Variants in CDH10 observed in about 807,000 individuals in gnomAD.
CDH10 encodes the protein cadherin 10.
A neutral mutation model predicts 73.1 loss-of-function variants in CDH10; 30 were observed. That is an observed-to-expected ratio of 0.41 (90% CI 0.31 to 0.56). The LOEUF is 0.56. Among genes scored for constraint, CDH10 ranks in the 20% least tolerant of loss-of-function variants. The pLI is 0.27. For synonymous variants in CDH10, 345 were observed against 348.2 expected (o/e 0.99, Z 0.10); for missense variants, 815 against 973.7 (o/e 0.84, Z 2.17).
chr5:24,572,935 G>GAAAAAAAAAAAAAAAAA (rs55946839), intron 2 of CDH10, among the ~76,000 whole-genome samples: 2 of 72,114 alleles, frequency 2.8e-5, no homozygotes, highest in African/African-American at 5.5e-5. Context: ...CTTAGAAAAA[G>GAAAAAAAAAAAAAAAAA]AAAAAAAAAA....
chr5:24,494,615 C>G (rs1025980362), intron 9 of CDH10, among the ~76,000 whole-genome samples: 15 of 151,752 alleles, frequency 9.9e-5, no homozygotes, highest in Non-Finnish European at 2.2e-4. Flanking sequence ...AATAAATTTA[C>G]AAAGTATAAT....
chr5:24,535,915 T>G, intron 3 of CDH10, 93 bp from the exon 4 acceptor site: 1 of 861,742 alleles, frequency 1.2e-6, no homozygotes, highest in Non-Finnish European at 1.7e-6. Context: ...ATTTCTGGCT[T>G]TAATCATGAC....
intron 2 of CDH10, among the ~76,000 whole-genome samples, chr5:24,555,937 A>C (rs911593761): frequency 6.6e-6 from 1 of 152,136 alleles, no homozygotes; most frequent in South Asian, 2.1e-4. Context: ...AATAAGCTTG[A>C]TGCTAGGTAG....
At chr5:24,623,673 CA>C (rs529009780) in intron 1 of CDH10, among the ~76,000 whole-genome samples, 179 of 152,256 alleles carry the variant, frequency 1.2e-3, no homozygotes, top group South Asian at 3.3e-3. Flanking sequence ...ATTGAAGCAA[CA>C]CAGAGGTCTG....
chr5:24,520,069 C>T (rs1386279777), intron 5 of CDH10, among the ~76,000 whole-genome samples: 1 of 152,162 alleles, frequency 6.6e-6, no homozygotes, highest in Non-Finnish European at 1.5e-5. Flanking sequence ...TACTGGATTA[C>T]AGCTTTAACT....
chr5:24,516,686 T>A (rs1743119719), intron 5 of CDH10, among the ~76,000 whole-genome samples: 1 of 152,026 alleles, frequency 6.6e-6, no homozygotes, highest in Non-Finnish European at 1.5e-5. Context: ...AGCCATTGGA[T>A]GATTTTTTTA....
intron 1 of CDH10, among the ~76,000 whole-genome samples, chr5:24,607,056 T>A (rs1353574392): frequency 6.6e-6 from 1 of 152,184 alleles, no homozygotes; most frequent in Non-Finnish European, 1.5e-5. Context: ...ATCAGAACTT[T>A]ATTTCCTCAG....
In CDH10 at chr5:24,487,494, G is replaced by A; in HGVS notation, c.*169C>T. ...ATAAAATGTCATATATATTCCATGA[G>A]ACATCCTACAGGAAAGAATTAATGT... is the stretch of plus-strand genomic sequence containing the variant. On this transcript the variant is annotated 3_prime_UTR_variant, in exon 12 of 12. Coordinates refer to ENST00000264463, the MANE Select transcript of CDH10 (RefSeq NM_006727.5). 1 of 626,144 alleles carries A rather than the reference G, an allele frequency of 1.6e-6. No individual in the cohort carries two copies. The highest frequency in any genetic ancestry group is 2.7e-5 in the East Asian group (1 of 37,166). 38.8% of individuals were successfully genotyped at this position (626,144 alleles called of 1,614,324 possible).
intron 5 of CDH10, among the ~76,000 whole-genome samples, chr5:24,521,107 A>C (rs1743312560): frequency 6.6e-6 from 1 of 152,200 alleles, no homozygotes; most frequent in South Asian, 2.1e-4. Flanking sequence ...AGGAAAACAA[A>C]AAACAGAAAA....
chr5:24,607,943 T>G (rs928588282), intron 1 of CDH10, among the ~76,000 whole-genome samples: 29 of 152,218 alleles, frequency 1.9e-4, no homozygotes, highest in African/African-American at 6.8e-4. Flanking sequence ...CTCTATTTTT[T>G]GTTTAATTTG....
intron 2 of CDH10, among the ~76,000 whole-genome samples, chr5:24,573,801 TTTAC>T (rs1321595872): frequency 1.3e-5 from 2 of 148,412 alleles, no homozygotes; most frequent in African/African-American, 2.5e-5. Flanking sequence ...TATTCATATA[TTTAC>T]TTAATTTTTA....
At chr5:24,555,213 A>C (rs1241469403) in intron 2 of CDH10, among the ~76,000 whole-genome samples, 1 of 152,096 alleles carries the variant, frequency 6.6e-6, no homozygotes, top group Non-Finnish European at 1.5e-5. Context: ...TTTTTGTGCC[A>C]CTGGATTTCC....
intron 1 of CDH10, among the ~76,000 whole-genome samples, chr5:24,638,623 GA>G (rs1747945515): frequency 6.6e-6 from 1 of 151,756 alleles, no homozygotes; most frequent in Non-Finnish European, 1.5e-5. Context: ...AATGCAGGCA[GA>G]ATAAATCTGC....
intron 2 of CDH10, among the ~76,000 whole-genome samples, chr5:24,556,736 T>TTAA (rs1280290913): frequency 2.0e-5 from 3 of 151,724 alleles, no homozygotes; most frequent in Non-Finnish European, 4.4e-5. Context: ...AATTAAAATA[T>TTAA]TTACACAATT....
rs1419594144 is a variant in CDH10, at chr5:24,537,462, G to T, written c.444C>A (p.Ile148=). Residue 148 remains isoleucine, a synonymous_variant, in exon 3 of 12, where the codon ATC becomes ATA. Coordinates refer to ENST00000264463, the MANE Select transcript of CDH10 (RefSeq NM_006727.5). The part of the protein sequence containing the change: ...RPVEPESEFV[I]KIHDINDNEP... ...CATTGTCATTGATATCATGAATTTT[G>T]ATCACAAACTCTGACTCTGGCTCTA... 2 of 1,612,310 alleles carry T rather than the reference G, an allele frequency of 1.2e-6. No homozygotes were observed. Among genetic ancestry groups the T allele is most frequent in the Admixed American group, 3.3e-5 (2 of 59,932 alleles).
intron 1 of CDH10, among the ~76,000 whole-genome samples, chr5:24,605,551 C>T (rs145221393): frequency 2.6e-5 from 4 of 152,290 alleles, no homozygotes; most frequent in South Asian, 4.1e-4. Context: ...CGAAGTGGGT[C>T]GTTGGCACCA....
At position 24,488,147 on chromosome 5, in the gene CDH10, ACT is replaced by A; in HGVS notation, c.1881_1882del (p.Val628SerfsTer30). ...TCTTTTCAGAGCTGCAAACAGTACT[ACT>A]ATAACTTGAAAAAAGACAAGAAGAT... On this transcript the variant is annotated frameshift_variant, in exon 12 of 12. Coordinates refer to ENST00000264463, the MANE Select transcript of CDH10 (RefSeq NM_006727.5). LOFTEE classifies it high-confidence loss of function. The A allele has an allele frequency of 1.9e-6, 3 of 1,596,452 alleles. No homozygotes were observed. Among genetic ancestry groups the A allele is most frequent in the Admixed American group, 3.6e-5 (2 of 55,738 alleles).
In CDH10 at chr5:24,593,462, A is replaced by T. The variant is rs1490017285; in HGVS notation, c.29T>A (p.Phe10Tyr). MTIHQFLLLFLFWVCLPHFC... is the reference protein window; with the variant it reads MTIHQFLLLYLFWVCLPHFC... ...ATGTGGCAGGCATACCCAGAATAGA[A>T]ACAGTAGCAAAAATTGATGTATTGT... The change falls in exon 2 of 12, where the codon TTT (phenylalanine) becomes TAT (tyrosine). Residue 10 changes from phenylalanine (F) to tyrosine (Y), a missense_variant. Phe to Tyr is a conservative substitution (Grantham distance 22). Coordinates refer to ENST00000264463, the MANE Select transcript of CDH10 (RefSeq NM_006727.5). 1 of 1,605,454 alleles carries T rather than the reference A, an allele frequency of 6.2e-7. No individual in the cohort carries two copies. Among genetic ancestry groups the T allele is most frequent in the Non-Finnish European group, 8.5e-7 (1 of 1,172,390 alleles).
intron 2 of CDH10, among the ~76,000 whole-genome samples, chr5:24,573,862 T>TTA (rs1745492645): frequency 6.8e-6 from 1 of 147,958 alleles, no homozygotes; most frequent in Non-Finnish European, 1.5e-5. Flanking sequence ...ATATTTATAT[T>TTA]TACATATATT....
Sources: allele counts gnomAD v4.1 joint callset (sites outside exome capture counted in the v4.1 genomes callset), GRCh38; gene constraint gnomAD v4.1.1; transcripts MANE v1.5; gene names NCBI Gene and HGNC (gene_info 2026-07-23, HGNC 2026-07-21).